The following MAGEA4 variants were observed in gnomAD, a reference collection of about 807,000 sequenced individuals.
The protein encoded by MAGEA4 is MAGE family member A4.
MAGEA4 carries 1 observed loss-of-function variant against 13.7 expected under a neutral mutation model. That is an observed-to-expected ratio of 0.07 (90% confidence interval 0.03 to 0.35). The LOEUF (loss-of-function observed/expected upper bound fraction) is 0.35, where lower values mean the gene tolerates loss of function less well. Among genes scored for constraint, MAGEA4 ranks in the 10% least tolerant of loss-of-function variants. The pLI is 0.99. For missense variants in MAGEA4, 312 were observed against 245.1 expected, an observed-to-expected ratio of 1.27 and a Z score of -1.82; for synonymous variants, 132 against 101.1, an observed-to-expected ratio of 1.31 and a Z score of -1.83.
At chrX:151,922,760 CTT>C (rs1933507789) in intron 1 of MAGEA4, among the ~76,000 whole-genome samples, 1 of 111,617 alleles carries the variant, frequency 9.0e-6, no homozygotes, top group Admixed American at 9.4e-5. Flanking sequence ...AGGTCCCTCT[CTT>C]ATCCTGGGAT....
At chrX:151,921,971 C>T (rs1053946573) in intron 1 of MAGEA4, among the ~76,000 whole-genome samples, 5 of 111,444 alleles carry the variant, frequency 4.5e-5, no homozygotes, top group African/African-American at 1.3e-4. Flanking sequence ...GAAAGGAAGA[C>T]GAGGGAGGAT....
At chrX:151,921,784 GGAGGACCCTGGCCCTCCTGGGA>G (rs367963438) in intron 1 of MAGEA4, among the ~76,000 whole-genome samples, 19 of 111,583 alleles carry the variant, frequency 1.7e-4, no homozygotes, top group African/African-American at 5.9e-4. Context: ...GGTAGCAGAG[GGAGGACCCTGGCCCTCCTGGGA>G]GATGAGGAAG....
At chrX:151,915,786 G>T (rs1364658767) in intron 1 of MAGEA4, 1 of 49,147 alleles carries the variant, frequency 2.0e-5, no homozygotes, top group Non-Finnish European at 3.5e-5. Flanking sequence ...AGTCGCAGGG[G>T]ACTCTGGAGT....
intron 1 of MAGEA4, among the ~76,000 whole-genome samples, chrX:151,916,038 G>C (rs1342273539): frequency 1.2e-3 from 9 of 7,553 alleles, no homozygotes; most frequent in Non-Finnish European, 1.4e-3. Context: ...CCGGGCCCTT[G>C]TACCAACCTC....
chrX:151,913,433 G>T (rs1208906478), intron 1 of MAGEA4: 1 of 679,048 alleles, frequency 1.5e-6, no homozygotes, highest in East Asian at 1.7e-4. Context: ...CGCTGAATCG[G>T]GTTGCGCTCC....
At chrX:151,919,946 A>T (rs1346830750) in intron 1 of MAGEA4, among the ~76,000 whole-genome samples, 1 of 108,339 alleles carries the variant, frequency 9.2e-6, no homozygotes, top group Non-Finnish European at 1.9e-5. Flanking sequence ...CATCAACCTC[A>T]GGACTGTAAG....
chrX:151,923,164 G>A (rs1569448954), intron 1 of MAGEA4, among the ~76,000 whole-genome samples: 1 of 111,951 alleles, frequency 8.9e-6, no homozygotes, highest in African/African-American at 3.2e-5. Flanking sequence ...AGGGACCGGG[G>A]CTGTGCTTAC....
rs866684589 is a variant in MAGEA4, at chrX:151,924,370, G to A, written c.706G>A (p.Glu236Lys). 8.3e-7 allele frequency: 1 copy of A among 1,210,724 alleles called. No individual in the cohort carries two copies. Among genetic ancestry groups the A allele is most frequent in the Non-Finnish European group, 1.1e-6 (1 of 894,904 alleles). ...TGTGATGGGGGTGTATGATGGGAGG[G>A]AGCACACTGTCTATGGGGAGCCCAG... ...LGVMGVYDGR[E>K]HTVYGEPRKL... Residue 236 changes from glutamate to lysine, a missense_variant, in exon 3 of 3, where the codon GAG (glutamate) becomes AAG (lysine). Coordinates refer to ENST00000276344, the MANE Select transcript of MAGEA4 (RefSeq NM_001011548.1).
Position 151,924,040 on chromosome X carries a change from C to A in MAGEA4, c.376C>A (p.Arg126=), listed in dbSNP as rs765557256. ...ELAHFLLRKY[R]AKELVTKAEM... is the part of the protein sequence containing the mutation. Reference sequence around the variant, plus strand: ...GGCTCATTTTCTGCTCCGCAAGTATCGAGCCAAGGAGCTGGTCACAAAGGC... The same window carrying A: ...GGCTCATTTTCTGCTCCGCAAGTATAGAGCCAAGGAGCTGGTCACAAAGGC... The change falls in exon 3 of 3, where the codon CGA becomes AGA. Residue 126 remains arginine (R), a synonymous_variant. Transcript: ENST00000276344. 2.5e-6 allele frequency: 3 copies of A among 1,212,033 alleles called. No individual in the cohort carries two copies. The highest frequency in any genetic ancestry group is 5.9e-5 in the East Asian group (2 of 33,841).
rs778773064 is a variant in MAGEA4, at chrX:151,919,967, G to C, written c.-137-3486G>C. ...CCTCAGGACTGTAAGAGAGGGCCGA[G>C]GGTCCCCCACCCCCATTCCCATCCC... On this transcript the variant is annotated intron_variant, in intron 1 of 2. Transcript: ENST00000276344. Among the ~76,000 whole-genome samples, 230 of 104,444 alleles carry C rather than the reference G, an allele frequency of 2.2e-3. 2 individuals are homozygous for C. Among genetic ancestry groups the C allele is most frequent in the African/African-American group, 7.8e-3 (220 of 28,319 alleles). The allele number at this position is 104,444 out of a possible 115,157, so 90.7% of individuals were successfully genotyped here.
At chrX:151,923,399 T>C in intron 1 of MAGEA4, 54 bp from the exon 2 acceptor site, 1 of 1,021,208 alleles carries the variant, frequency 9.8e-7, no homozygotes. Flanking sequence ...TCCTGCAGAA[T>C]CGACCTCTGC....
intron 1 of MAGEA4, among the ~76,000 whole-genome samples, chrX:151,920,210 A>G (rs1744486487): frequency 9.1e-6 from 1 of 109,989 alleles, no homozygotes; most frequent in South Asian, 3.9e-4. Flanking sequence ...GGGGTTAGAG[A>G]GACGCTAGCT....
chrX:151,913,742 A>T (rs1410269903), intron 1 of MAGEA4: 1 of 377,734 alleles, frequency 2.6e-6, no homozygotes, highest in East Asian at 2.1e-4. Flanking sequence ...GTTGCAGGGG[A>T]CTCTGGAGTC....
intron 1 of MAGEA4, chrX:151,913,983 C>T (rs1425223356): frequency 2.3e-5 from 2 of 86,592 alleles, no homozygotes; most frequent in African/African-American, 9.2e-5. Flanking sequence ...ACCCCAACAA[C>T]CCGGGCCCTT....
At chrX:151,920,978 G>A (rs964280496) in intron 1 of MAGEA4, among the ~76,000 whole-genome samples, 3 of 111,147 alleles carry the variant, frequency 2.7e-5, no homozygotes, top group Non-Finnish European at 3.8e-5. Context: ...TTCGCAACGC[G>A]TTTGTTTAAG....
At chrX:151,922,608 T>C (rs1933499236) in intron 1 of MAGEA4, among the ~76,000 whole-genome samples, 1 of 111,662 alleles carries the variant, frequency 9.0e-6, no homozygotes, top group South Asian at 3.8e-4. Context: ...GACACAGTGG[T>C]CCCAGGATCT....
chrX:151,923,675 A>G lies in MAGEA4; in HGVS notation c.11A>G (p.Glu4Gly), dbSNP rs747163064. 4 of 1,210,414 alleles carry G rather than the reference A, an allele frequency of 3.3e-6. No homozygotes were observed. Among genetic ancestry groups the G allele is most frequent in the Non-Finnish European group, 4.5e-6 (4 of 894,987 alleles). The part of the protein sequence containing the change: MSS[E>G]QKSQHCKPEE... ...CTGACCAGAGTCATCATGTCTTCTG[A>G]GCAGAAGAGTCAGCACTGCAAGCCT... The change falls in exon 3 of 3, where the codon GAG (glutamate) becomes GGG (glycine). Residue 4 changes from glutamate to glycine, a missense_variant. Transcript: ENST00000276344.
At chrX:151,915,661 G>T (rs1199840600) in intron 1 of MAGEA4, 2 of 121,305 alleles carry the variant, frequency 1.6e-5, no homozygotes, top group Admixed American at 4.3e-4. Flanking sequence ...GAGGACTCAG[G>T]AGGCCACCAC....
rs181401508 is a variant in MAGEA4, at chrX:151,924,064, G to A, written c.400G>A (p.Ala134Thr). ...KYRAKELVTK[A>T]EMLERVIKNY... ...TCGAGCCAAGGAGCTGGTCACAAAG[G>A]CAGAAATGCTGGAGAGAGTCATCAA... Residue 134 changes from alanine to threonine, a missense_variant, in exon 3 of 3, where the codon GCA (alanine) becomes ACA (threonine). Ala to Thr is a moderately conservative substitution (Grantham distance 58). Coordinates refer to ENST00000276344, the MANE Select transcript of MAGEA4 (RefSeq NM_001011548.1). 1.3e-4 allele frequency: 160 copies of A among 1,210,931 alleles called. No individual in the cohort carries two copies. The East Asian group carries it at 2.5e-3, about 19-fold the overall frequency.
Sources: allele counts gnomAD v4.1 joint callset (sites outside exome capture counted in the v4.1 genomes callset), GRCh38; gene constraint gnomAD v4.1.1; transcripts MANE v1.5; gene names NCBI Gene and HGNC (gene_info 2026-07-23, HGNC 2026-07-21).